The following BOD1L1 variants were observed in gnomAD, a reference collection of about 807,000 sequenced individuals.
BOD1L1 encodes biorientation of chromosomes in cell division protein 1-like 1.
A neutral mutation model predicts 240.7 loss-of-function variants in BOD1L1; 86 were observed. The ratio of observed to expected loss-of-function variants is 0.36; its 90% CI spans 0.30 to 0.43. The LOEUF (loss-of-function observed/expected upper bound fraction) is 0.43, where lower values mean the gene tolerates loss of function less well. Among genes scored for constraint, BOD1L1 ranks in the 20% least tolerant of loss-of-function variants. The pLI is 1.00. For missense variants in BOD1L1, 3,554 were observed against 3,643.5 expected (o/e 0.98, Z 0.63); for synonymous variants, 1,268 against 1,272.3 (o/e 1.00, Z 0.07).
In BOD1L1 at chr4:13,604,285, G is replaced by A. The variant is rs552554656; in HGVS notation, c.2615C>T (p.Ser872Leu). ...ITLQRRSESY[S>L]EDKCDMDSTN... ...GGAGTCCATATCACACTTATCTTCCGAATAACTTTCACTTCTTCTCTGTAA... is the reference window on the plus strand; with the variant it reads ...GGAGTCCATATCACACTTATCTTCCAAATAACTTTCACTTCTTCTCTGTAA... The change falls in exon 10 of 26, where the codon TCG (serine) becomes TTG (leucine). Residue 872 changes from serine to leucine, a missense_variant. Physicochemically the swap from Ser to Leu is moderately radical, Grantham distance 145. Coordinates refer to ENST00000040738, the MANE Select transcript of BOD1L1 (RefSeq NM_148894.3). 16 of 1,606,654 alleles carry A rather than the reference G, an allele frequency of 1.0e-5. No individual in the cohort carries two copies. The East Asian group carries it at 1.1e-4, about 11-fold the overall frequency.
At position 13,601,176 on chromosome 4, in the gene BOD1L1, A is replaced by C. The variant is rs765070658; in HGVS notation, c.5724T>G (p.Ile1908Met). 6.2e-7 allele frequency: 1 copy of C among 1,613,968 alleles called. No individual in the cohort carries two copies. Among genetic ancestry groups the C allele is most frequent in the Non-Finnish European group, 8.5e-7 (1 of 1,179,894 alleles). ...CTTCCACATGCTCTACCACAGTACCAATCTGACTGTCCCCTTCTGCACTTT... is the reference window on the plus strand; with the variant it reads ...CTTCCACATGCTCTACCACAGTACCCATCTGACTGTCCCCTTCTGCACTTT... ...ICESAEGDSQ[I>M]GTVVEHVEAE... Residue 1908 changes from isoleucine to methionine, a missense_variant, in exon 10 of 26, where the codon ATT becomes ATG. Physicochemically the swap from Ile to Met is conservative, Grantham distance 10 (BLOSUM62 1). Around this residue, in one of 2 missense-constraint regions of BOD1L1, gnomAD observed 3,393 missense variants for 3,427.1 expected, o/e 0.99. Transcript: ENST00000040738.
chr4:13,610,663 T>C (rs1716086049), intron 6 of BOD1L1, among the ~76,000 whole-genome samples: 1 of 152,248 alleles, frequency 6.6e-6, no homozygotes, highest in Non-Finnish European at 1.5e-5. Context: ...ACTATGTATA[T>C]GCGAATATTC....
Position 13,581,114 on chromosome 4 carries a change from AAC to A in BOD1L1, c.8668+16_8668+17del, listed in dbSNP as rs770212038. ...GAAAATTTCTTGTGTGTGAACTGAA[AAC>A]ACACCAAGTACCTACTCATTTTTAA... On this transcript the variant is annotated intron_variant, in intron 20 of 25. Coordinates refer to ENST00000040738, the MANE Select transcript of BOD1L1 (RefSeq NM_148894.3). 6.4e-7 allele frequency: 1 copy of A among 1,570,932 alleles called. No homozygotes were observed. Among genetic ancestry groups the A allele is most frequent in the South Asian group, 1.2e-5 (1 of 84,964 alleles).
chr4:13,597,999 G>T (rs944391448), intron 10 of BOD1L1, among the ~76,000 whole-genome samples: 1 of 152,134 alleles, frequency 6.6e-6, no homozygotes, highest in African/African-American at 2.4e-5. Flanking sequence ...GAGTGGAAAA[G>T]AATTCCTCTG....
chr4:13,590,531 T>C (rs1714117350), intron 13 of BOD1L1, 85 bp from the exon 14 acceptor site: 2 of 617,442 alleles, frequency 3.2e-6, no homozygotes, highest in South Asian at 4.8e-5. Flanking sequence ...GTAATTTACA[T>C]AACCTGGCTA....
rs776526087 is a variant in BOD1L1, at chr4:13,614,572, A to C, written c.798T>G (p.Ser266=). The C allele has an allele frequency of 1.9e-6, 3 of 1,613,972 alleles. No individual in the cohort carries two copies. The South Asian group carries it at 3.3e-5, about 18-fold the overall frequency. ...MADKEKSTAD[S]GGEGLETAPK... ...GGGCTGTTTCCAGTCCTTCACCTCC[A>C]GAGTCAGCTGTAGATTTTTCTTTAT... The change falls in exon 4 of 26, where the codon TCT becomes TCG. Residue 266 remains serine (S), a synonymous_variant. Coordinates refer to ENST00000040738, the MANE Select transcript of BOD1L1 (RefSeq NM_148894.3).
chr4:13,596,872 T>G (rs186455440), intron 11 of BOD1L1, among the ~76,000 whole-genome samples: 84 of 152,318 alleles, frequency 5.5e-4, no homozygotes, highest in South Asian at 4.1e-3. Flanking sequence ...ACGGAGAAAC[T>G]GAGGGTGACT....
intron 22 of BOD1L1, among the ~76,000 whole-genome samples, chr4:13,579,420 T>C: frequency 1.3e-5 from 2 of 152,272 alleles, no homozygotes; most frequent in South Asian, 2.1e-4. Context: ...ATATTACCTA[T>C]TTGCTTTATT....
intron 17 of BOD1L1, among the ~76,000 whole-genome samples, chr4:13,584,441 A>AGAGAGTGTGTGTGT (rs1476066597): frequency 7.4e-6 from 1 of 134,814 alleles, no homozygotes; most frequent in Non-Finnish European, 1.6e-5. Context: ...AGAGAGAGAG[A>AGAGAGTGTGTGTGT]GTGTGTGTGT....
rs1413734797 is a variant in BOD1L1, at chr4:13,607,147, T to G, written c.1785A>C (p.Glu595Asp). 3 of 1,574,692 alleles carry G rather than the reference T, an allele frequency of 1.9e-6. No individual in the cohort carries two copies. Among genetic ancestry groups the G allele is most frequent in the Non-Finnish European group, 2.6e-6 (3 of 1,160,354 alleles). ...TTGTTTTAAGGGTTTCTTTGGAATC[T>G]TCTTCATATTGCTGTTTCTTTTTGG... ...ENSKKKQQYEEDSKETLKTSE... is the reference protein window; with the variant it reads ...ENSKKKQQYEDDSKETLKTSE... Residue 595 changes from glutamate (E) to aspartate (D), a missense_variant, in exon 9 of 26, where the codon GAA becomes GAC. This residue lies in a region of BOD1L1 where 3,393 missense variants were observed against 3,427.1 expected (regional missense o/e 0.99). Transcript: ENST00000040738.
In BOD1L1 at chr4:13,605,423, T is replaced by C. The variant is rs116549137; in HGVS notation, c.1816-339A>G. Reference sequence around the variant, plus strand: ...AAATAAAGTTAAATACTTAAAAATATGCCATTAAAACATCAGGAAATTGTA... The same window carrying C: ...AAATAAAGTTAAATACTTAAAAATACGCCATTAAAACATCAGGAAATTGTA... On this transcript the variant is annotated intron_variant, in intron 9 of 25. Coordinates refer to ENST00000040738, the MANE Select transcript of BOD1L1 (RefSeq NM_148894.3). Among the ~76,000 whole-genome samples the C allele has an allele frequency of 7.4e-3, 1,126 of 152,278 alleles. 8 individuals carry two copies. Among genetic ancestry groups the C allele is most frequent in the Non-Finnish European group, 0.012 (835 of 68,000 alleles).
At chr4:13,598,585 G>C (rs751377524) in intron 10 of BOD1L1, among the ~76,000 whole-genome samples, 2 of 152,114 alleles carry the variant, frequency 1.3e-5, no homozygotes, top group Non-Finnish European at 2.9e-5. Flanking sequence ...TCATTGGGTT[G>C]TGGTAGGGTA....
chr4:13,597,043 A>G (rs1443397808), intron 11 of BOD1L1, 61 bp downstream of exon 11: 3 of 1,246,414 alleles, frequency 2.4e-6, no homozygotes, highest in African/African-American at 1.5e-5. Context: ...ATATATGTGT[A>G]TATGTGATGA....
intron 2 of BOD1L1, 124 bp from the exon 3 acceptor site, chr4:13,615,626 A>G (rs927483180): frequency 3.3e-6 from 3 of 922,554 alleles, no homozygotes; most frequent in Admixed American, 6.2e-5. Context: ...AATTGTCCCA[A>G]TCCATTTACT....
At position 13,604,565 on chromosome 4, in the gene BOD1L1, T is replaced by C; in HGVS notation, c.2335A>G (p.Thr779Ala). The C allele has an allele frequency of 6.4e-7, 1 of 1,559,382 alleles. No homozygotes were observed. The highest frequency in any genetic ancestry group is 8.6e-7 in the Non-Finnish European group (1 of 1,161,436). Residue 779 changes from threonine to alanine, a missense_variant, in exon 10 of 26, where the codon ACA (threonine) becomes GCA (alanine). Physicochemically the swap from Thr to Ala is moderately conservative, Grantham distance 58. Coordinates refer to ENST00000040738, the MANE Select transcript of BOD1L1 (RefSeq NM_148894.3). ...EENIQKQSQQ[T>A]KLSSDDKTER... is the part of the protein sequence containing the mutation. ...GTTTTATCATCTGAAGAAAGCTTTG[T>C]TTGTTGACTTTGCTTTTGAATATTT...
At chr4:13,573,442 G>GTCTATCTATCTATCTA (rs1553830292) in intron 25 of BOD1L1, among the ~76,000 whole-genome samples, 7,808 of 120,708 alleles carry the variant, frequency 0.065, 293 homozygotes, top group Middle Eastern at 0.086. Flanking sequence ...CTGTCTGTCT[G>GTCTATCTATCTATCTA]TCTATCTATC....
Position 13,614,210 on chromosome 4 carries a change from TC to T in BOD1L1, c.1159del (p.Glu387LysfsTer9). 1 of 1,509,104 alleles carries T rather than the reference TC, an allele frequency of 6.6e-7. No homozygotes were observed. 93.5% of individuals were successfully genotyped at this position (1,509,104 alleles called of 1,614,324 possible). A position where few individuals can be genotyped will look rare whatever the true frequency, so the allele number is the denominator to read the frequency against. ...EKNSNKAKTVEGTKEDFSLID... is the reference protein window; with the variant it reads ...EKNSNKAKTVXGTKEDFSLID... Reference sequence around the variant, plus strand: ...TTTTTATATACCTTCTTTTGTCCCTTCAACAGTTTTAGCTTTATTACTGTTC... The same window carrying T: ...TTTTTATATACCTTCTTTTGTCCCTTAACAGTTTTAGCTTTATTACTGTTC... On this transcript the variant is annotated frameshift_variant, in exon 4 of 26. Coordinates refer to ENST00000040738, the MANE Select transcript of BOD1L1 (RefSeq NM_148894.3). LOFTEE classifies it high-confidence loss of function.
chr4:13,591,868 A>G, intron 13 of BOD1L1, 55 bp downstream of exon 13: 2 of 1,391,726 alleles, frequency 1.4e-6, no homozygotes, highest in Non-Finnish European at 1.9e-6. Flanking sequence ...TCTCCAAAAA[A>G]ATAAAATTAA....
chr4:13,610,933 C>A lies in BOD1L1; in HGVS notation c.1491+1G>T. 6.3e-7 allele frequency: 1 copy of A among 1,595,540 alleles called. No homozygotes were observed. The highest frequency in any genetic ancestry group is 8.5e-7 in the Non-Finnish European group (1 of 1,173,552). ...AAAATAACAGAACAAACTGGACTTA[C>A]AATGGACTGTCGTCGTTGTTCTACA... On this transcript the variant is annotated splice_donor_variant, in intron 6 of 25. Transcript: ENST00000040738. LOFTEE classifies it high-confidence loss of function.
Sources: allele counts gnomAD v4.1 joint callset (sites outside exome capture counted in the v4.1 genomes callset), GRCh38; gene constraint gnomAD v4.1.1; regional missense constraint gnomAD v4.1.1; transcripts MANE v1.5; gene names NCBI Gene and HGNC (gene_info 2026-07-23, HGNC 2026-07-21).